Variants in LINGO2 observed in about 807,000 individuals in gnomAD.
LINGO2 encodes the protein leucine rich repeat and Ig domain containing 2.
LINGO2 carries 14 observed loss-of-function variants against 30.6 expected under a neutral mutation model. The ratio of observed to expected loss-of-function variants is 0.46; its 90% CI spans 0.30 to 0.72. The LOEUF is 0.72. LINGO2 is among the 30% of genes least tolerant of loss of function. The probability of loss-of-function intolerance (pLI) is 0.07; values close to 1 mark genes in which losing one functional copy is unlikely to be tolerated. For synonymous variants in LINGO2, 317 were observed against 288.5 expected (o/e 1.10, Z -1.00); for missense variants, 729 against 751.7 (o/e 0.97, Z 0.35).
chr9:28,848,396 T>TATATA, the LINGO2 span, among the ~76,000 whole-genome samples: 4 of 34,136 alleles, frequency 1.2e-4, no homozygotes, highest in African/African-American at 2.8e-4. Context: ...TGTGTGTGTG[T>TATATA]GTATATATAT....
At chr9:29,084,261 G>A in the LINGO2 span, among the ~76,000 whole-genome samples, 2 of 152,082 alleles carry the variant, frequency 1.3e-5, no homozygotes, top group South Asian at 4.1e-4. Context: ...ATTTTCTTTG[G>A]GAGAAATTGG....
intron 4 of LINGO2, among the ~76,000 whole-genome samples, chr9:28,226,036 C>T (rs1821132679): frequency 6.6e-6 from 1 of 152,106 alleles, no homozygotes; most frequent in Admixed American, 6.6e-5. Flanking sequence ...ACCAGAAGTT[C>T]CTCCAAAATT....
chr9:28,285,504 C>T (rs1354598052), intron 4 of LINGO2, among the ~76,000 whole-genome samples: 1 of 140,964 alleles, frequency 7.1e-6, no homozygotes, highest in Non-Finnish European at 1.5e-5. Flanking sequence ...CTCCCGGGTT[C>T]ATGCCATTCT....
At chr9:28,448,995 T>C (rs55638459) in intron 2 of LINGO2, among the ~76,000 whole-genome samples, 1,836 of 150,990 alleles carry the variant, frequency 0.012, 41 homozygotes, top group African/African-American at 0.04. Flanking sequence ...TTGATTCTGT[T>C]GGCAACGACA....
At chr9:28,234,432 G>C (rs1167176782) in intron 4 of LINGO2, among the ~76,000 whole-genome samples, 4 of 152,214 alleles carry the variant, frequency 2.6e-5, no homozygotes, top group Non-Finnish European at 5.9e-5. Flanking sequence ...AGGATGCAAA[G>C]TATTGTTCTT....
intron 4 of LINGO2, among the ~76,000 whole-genome samples, chr9:28,212,579 C>A (rs561186902): frequency 6.6e-6 from 1 of 151,492 alleles, no homozygotes; most frequent in East Asian, 1.9e-4. Flanking sequence ...CATATACATA[C>A]ACATGCATAT....
At chr9:29,081,207 A>C in the LINGO2 span, among the ~76,000 whole-genome samples, 3 of 152,158 alleles carry the variant, frequency 2.0e-5, no homozygotes, top group African/African-American at 7.2e-5. Flanking sequence ...ATCCAGCAGC[A>C]CATCAAAAAG....
In LINGO2 at chr9:28,281,652, T is replaced by C. The variant is rs10968432; in HGVS notation, c.-87+13556A>G. Among the ~76,000 whole-genome samples, 2,466 of 152,058 alleles carry C rather than the reference T, an allele frequency of 0.016. 149 individuals are homozygous for C. The East Asian group carries it at 0.2, about 12-fold the overall frequency. ...ACCTTAAGATGTTTATATAGTCTAG[T>C]GGGGAAGAGAAATAGAGATGTGGAT... On this transcript the variant is annotated intron_variant, in intron 4 of 5. Transcript: ENST00000379992.
At chr9:28,670,589 A>G (rs1314098595), upstream of LINGO2, among the ~76,000 whole-genome samples, 2 of 152,188 alleles carry the variant, frequency 1.3e-5, no homozygotes, top group African/African-American at 4.8e-5. Flanking sequence ...TTTGTAAATG[A>G]AATGTTTTCT....
intron 4 of LINGO2, among the ~76,000 whole-genome samples, chr9:28,283,382 TG>T (rs1823394645): frequency 6.6e-6 from 1 of 152,124 alleles, no homozygotes; most frequent in African/African-American, 2.4e-5. Context: ...CTAGTAGCAA[TG>T]GGGCTTCCAT....
intron 4 of LINGO2, among the ~76,000 whole-genome samples, chr9:28,120,381 G>T (rs1255081556): frequency 6.6e-6 from 1 of 152,202 alleles, no homozygotes; most frequent in African/African-American, 2.4e-5. Flanking sequence ...CAATCTGAAT[G>T]AAGGAGCTCC....
chr9:28,098,060 T>C (rs1411900111), intron 4 of LINGO2, among the ~76,000 whole-genome samples: 1 of 152,148 alleles, frequency 6.6e-6, no homozygotes, highest in Non-Finnish European at 1.5e-5. Context: ...ATCCCAATAC[T>C]ACGGGAGGCC....
At chr9:29,073,474 C>A in the LINGO2 span, among the ~76,000 whole-genome samples, 2 of 151,936 alleles carry the variant, frequency 1.3e-5, no homozygotes, top group African/African-American at 4.8e-5. Flanking sequence ...AGTCTATGAG[C>A]TAAAAATGTT....
chr9:29,080,327 C>T, the LINGO2 span, among the ~76,000 whole-genome samples: 151,637 of 152,122 alleles, frequency 1, 75,577 homozygotes, highest in Middle Eastern at 1. Context: ...TATTTCATTC[C>T]TCTCTTTTCT....
the LINGO2 span, among the ~76,000 whole-genome samples, chr9:28,995,526 A>T: frequency 6.6e-6 from 1 of 152,132 alleles, no homozygotes; most frequent in African/African-American, 2.4e-5. Flanking sequence ...CTGGGTATAT[A>T]CCCAAAGGAC....
At chr9:28,063,927 G>C (rs1825231942) in intron 4 of LINGO2, among the ~76,000 whole-genome samples, 1 of 152,198 alleles carries the variant, frequency 6.6e-6, no homozygotes, top group Non-Finnish European at 1.5e-5. Context: ...AAGTATTTGA[G>C]TTCTAGAGTG....
chr9:29,034,097 C>T, the LINGO2 span, among the ~76,000 whole-genome samples: 1 of 150,570 alleles, frequency 6.6e-6, no homozygotes, highest in Non-Finnish European at 1.5e-5. Context: ...AAAAAAGAAA[C>T]ATAATAATCA....
chr9:28,284,640 T>C (rs895388067), intron 4 of LINGO2, among the ~76,000 whole-genome samples: 1 of 152,198 alleles, frequency 6.6e-6, no homozygotes. Flanking sequence ...ATGTCAGGGA[T>C]TCCCAAAGAC....
intron 4 of LINGO2, among the ~76,000 whole-genome samples, chr9:28,199,095 A>G (rs906717189): frequency 1.4e-4 from 22 of 152,156 alleles, no homozygotes; most frequent in Admixed American, 1.4e-3. Context: ...ATTCCCCGTA[A>G]ATACATGTAT....
Sources: gnomAD v4.1 joint callset for allele counts (sites outside exome capture counted in the v4.1 genomes callset) on GRCh38, gnomAD v4.1.1 for gene constraint, MANE v1.5 for transcripts, NCBI Gene and HGNC (gene_info 2026-07-23, HGNC 2026-07-21) for gene names.